BCAS3: variants seen among roughly 807,000 people sequenced by gnomAD.
BCAS3 encodes BCAS3 microtubule associated cell migration factor.
In BCAS3, 53 loss-of-function variants were observed where a neutral mutation model predicts 116.1. The ratio of observed to expected loss-of-function variants is 0.46; its 90% CI spans 0.37 to 0.57. The LOEUF (loss-of-function observed/expected upper bound fraction) is 0.57. Among genes scored for constraint, BCAS3 ranks in the 20% least tolerant of loss-of-function variants. BCAS3 has a pLI of 0.00. For missense variants in BCAS3, 917 were observed against 1,165.4 expected, an observed-to-expected ratio of 0.79 and a Z score of 3.10; for synonymous variants, 391 against 408.2, an observed-to-expected ratio of 0.96 and a Z score of 0.51.
chr17:60,743,564 T>C (rs115031289), intron 5 of BCAS3, among the ~76,000 whole-genome samples: 4,810 of 152,080 alleles, frequency 0.032, 241 homozygotes, highest in African/African-American at 0.1. Flanking sequence ...CCAGTATCTA[T>C]AGGGGAAAGT....
At chr17:60,810,062 C>T (rs1483994724) in intron 7 of BCAS3, 2 of 245,622 alleles carry the variant, frequency 8.1e-6, no homozygotes, top group Non-Finnish European at 1.7e-5. Context: ...TGCCAAGAAA[C>T]AGGAAGTTGT....
At chr17:61,085,595 C>G (rs1352451810) in intron 22 of BCAS3, among the ~76,000 whole-genome samples, 2 of 152,164 alleles carry the variant, frequency 1.3e-5, no homozygotes, top group Non-Finnish European at 2.9e-5. Context: ...TACCTTGCAT[C>G]TTACTGAGCT....
intron 14 of BCAS3, among the ~76,000 whole-genome samples, chr17:60,958,953 T>C (rs1002841607): frequency 6.6e-6 from 1 of 152,212 alleles, no homozygotes; most frequent in Non-Finnish European, 1.5e-5. Flanking sequence ...ATGTAGAACC[T>C]ACAACTATGA....
chr17:60,724,958 C>T (rs2039673568), intron 5 of BCAS3, among the ~76,000 whole-genome samples: 1 of 151,968 alleles, frequency 6.6e-6, no homozygotes, highest in Non-Finnish European at 1.5e-5. Flanking sequence ...CTCAGGTGAT[C>T]TTCCTGCCTC....
rs561476677 is a variant in BCAS3, at chr17:61,300,540, C to T, written c.2426-67787C>T. ...AGAAAAAATGTATGGCATCTTGACG[C>T]AGTGTTCCTGGCCAAAAAAGAAAAG... On this transcript the variant is annotated intron_variant, in intron 22 of 23. Transcript: ENST00000407086. The surrounding 1 kb of genome is among the most constrained non-coding windows in gnomAD (Gnocchi z 5.1). Among the ~76,000 whole-genome samples the T allele has an allele frequency of 6.6e-6, 1 of 152,086 alleles. No homozygotes were observed. Among genetic ancestry groups the T allele is most frequent in the African/African-American group, 2.4e-5 (1 of 41,478 alleles).
At chr17:61,330,711 C>T (rs2056200870) in intron 22 of BCAS3, among the ~76,000 whole-genome samples, 1 of 152,162 alleles carries the variant, frequency 6.6e-6, no homozygotes, top group Admixed American at 6.5e-5. Context: ...ACAGGGGACA[C>T]CTGAAGTGCA....
chr17:60,953,485 G>C (rs1470006139), intron 14 of BCAS3, among the ~76,000 whole-genome samples: 1 of 151,910 alleles, frequency 6.6e-6, no homozygotes, highest in East Asian at 1.9e-4. Context: ...GAGATGCATA[G>C]TTTGCAGATA....
chr17:60,842,620 A>G (rs924351733), intron 7 of BCAS3, among the ~76,000 whole-genome samples: 5 of 151,914 alleles, frequency 3.3e-5, no homozygotes, highest in Admixed American at 2.0e-4. Flanking sequence ...TGTGGGTTAT[A>G]GTTCCTTTCT....
intron 13 of BCAS3, among the ~76,000 whole-genome samples, chr17:60,944,134 G>A (rs2060362450): frequency 6.6e-6 from 1 of 151,796 alleles, no homozygotes; most frequent in South Asian, 2.1e-4. Context: ...AATAAATATA[G>A]TAACAGAAAT....
At chr17:60,897,368 T>C (rs183580999) in intron 10 of BCAS3, among the ~76,000 whole-genome samples, 1 of 152,218 alleles carries the variant, frequency 6.6e-6, no homozygotes, top group Admixed American at 6.5e-5. Flanking sequence ...TTTTAGACAA[T>C]GACTATAATG....
chr17:60,717,983 C>T (rs1261444593), intron 5 of BCAS3, among the ~76,000 whole-genome samples: 2 of 152,192 alleles, frequency 1.3e-5, no homozygotes, highest in Non-Finnish European at 1.5e-5. Context: ...ACATTAGATT[C>T]TCATAAGGAG....
intron 22 of BCAS3, among the ~76,000 whole-genome samples, chr17:61,260,573 A>C (rs1045402972): frequency 6.6e-6 from 1 of 152,164 alleles, no homozygotes; most frequent in African/African-American, 2.4e-5. Flanking sequence ...GGAACTCTGT[A>C]ATCTTCCCAC....
At position 61,368,213 on chromosome 17, in the gene BCAS3, A is replaced by AGG; in HGVS notation, c.2426-114_2426-113insGG. 2.5e-6 allele frequency: 3 copies of AGG among 1,178,818 alleles called. No homozygotes were observed. The highest frequency in any genetic ancestry group is 3.5e-6 in the Non-Finnish European group (3 of 845,492). The allele number at this position is 1,178,818 out of a possible 1,614,324, so 73.0% of individuals were successfully genotyped here. A position where few individuals can be genotyped will look rare whatever the true frequency, so the allele number is the denominator to read the frequency against. ...TCTGTTGGCGGCGTGCTTCCATCCT[A>AGG]CAGGAAGGCTACAATGGACCCTGGG... is the stretch of plus-strand genomic sequence containing the variant. On this transcript the variant is annotated intron_variant, in intron 22 of 23. Coordinates refer to ENST00000407086, the MANE Select transcript of BCAS3 (RefSeq NM_017679.5). The surrounding 1 kb of genome is among the most constrained non-coding windows in gnomAD (Gnocchi z 6.0).
intron 22 of BCAS3, among the ~76,000 whole-genome samples, chr17:61,165,717 TA>T (rs141045737): frequency 3.3e-5 from 5 of 152,158 alleles, no homozygotes; most frequent in African/African-American, 9.7e-5. Context: ...AAAAAACTTT[TA>T]AAAACTATTT....
chr17:61,253,046 T>C (rs954999255), intron 22 of BCAS3, among the ~76,000 whole-genome samples: 15 of 151,488 alleles, frequency 9.9e-5, no homozygotes, highest in Admixed American at 2.6e-4. Context: ...TGCCTAATTT[T>C]GTATTTTGTA....
chr17:61,341,479 A>G (rs1420153109), intron 22 of BCAS3, among the ~76,000 whole-genome samples: 2 of 152,132 alleles, frequency 1.3e-5, no homozygotes, highest in African/African-American at 2.4e-5. Flanking sequence ...AGGCAGGTAC[A>G]TTATCCCTGT....
Position 61,387,621 on chromosome 17 carries a change from G to C in BCAS3, c.2594-4356G>C, listed in dbSNP as rs1195469692. On this transcript the variant is annotated intron_variant, in intron 23 of 23. Coordinates refer to ENST00000407086, the MANE Select transcript of BCAS3 (RefSeq NM_017679.5). This position sits in a 1 kb window ranked among gnomAD's most constrained non-coding sequence, Gnocchi z 6.2. ...CTGGGGGCTGTCCATCCTGGCCCAAGGCATAGAGGGGCAGCTGCGGGTAAC... is the reference window on the plus strand; with the variant it reads ...CTGGGGGCTGTCCATCCTGGCCCAACGCATAGAGGGGCAGCTGCGGGTAAC... Among the ~76,000 whole-genome samples, 1 of 152,174 alleles carries C rather than the reference G, an allele frequency of 6.6e-6. No homozygotes were observed. The highest frequency in any genetic ancestry group is 2.4e-5 in the African/African-American group (1 of 41,422).
intron 10 of BCAS3, among the ~76,000 whole-genome samples, chr17:60,896,219 G>A (rs1377449403): frequency 6.6e-6 from 1 of 152,154 alleles, no homozygotes; most frequent in African/African-American, 2.4e-5. Context: ...CAGCCACTTG[G>A]GAGGCTAAGG....
intron 19 of BCAS3, among the ~76,000 whole-genome samples, chr17:61,067,273 GTATATATATATATATATATA>G (rs1199603635): frequency 7.3e-4 from 43 of 58,802 alleles, no homozygotes; most frequent in East Asian, 4.1e-3. Flanking sequence ...GTGTGTATGT[GTATATATATATATATATATA>G]TATATATATA....
Sources: allele counts gnomAD v4.1 joint callset (sites outside exome capture counted in the v4.1 genomes callset), GRCh38; gene constraint gnomAD v4.1.1; non-coding constraint Gnocchi (gnomAD v3.1); transcripts MANE v1.5; gene names NCBI Gene and HGNC (gene_info 2026-07-23, HGNC 2026-07-21).